The following AKR1C8 variants were observed in gnomAD, a reference collection of about 807,000 sequenced individuals.
AKR1C8 encodes the protein aldo-keto reductase family 1 member C-like protein 1.
the AKR1C8 span, among the ~76,000 whole-genome samples, chr10:5,144,989 A>G: frequency 6.6e-6 from 1 of 151,580 alleles, no homozygotes; most frequent in Non-Finnish European, 1.5e-5. Context: ...CCCATTCAGT[A>G]TGATATTGGC....
At chr10:5,144,916 G>C in the AKR1C8 span, among the ~76,000 whole-genome samples, 7 of 151,956 alleles carry the variant, frequency 4.6e-5, no homozygotes, top group Non-Finnish European at 8.8e-5. Flanking sequence ...TGTTGAATAG[G>C]AGTGGTGAGA....
chr10:5,152,550 G>C, the AKR1C8 span, among the ~76,000 whole-genome samples: 2 of 152,138 alleles, frequency 1.3e-5, no homozygotes, highest in Non-Finnish European at 2.9e-5. Flanking sequence ...AAGGACTCTA[G>C]AAAACCTCAT....
chr10:5,162,983 G>C, the AKR1C8 span: 1 of 534,420 alleles, frequency 1.9e-6, no homozygotes. Context: ...TACGTCAATA[G>C]CCACTTTGGT....
At chr10:5,176,559 T>G in the AKR1C8 span, among the ~76,000 whole-genome samples, 4 of 150,886 alleles carry the variant, frequency 2.7e-5, no homozygotes, top group African/African-American at 4.8e-5. Context: ...ATCTATAAAT[T>G]ACCTTGGGCA....
At chr10:5,146,656 C>G in the AKR1C8 span, among the ~76,000 whole-genome samples, 1,022 of 152,208 alleles carry the variant, frequency 6.7e-3, 6 homozygotes, top group Middle Eastern at 0.027. Context: ...TTATGGAAAA[C>G]TATTCAAAAT....
the AKR1C8 span, chr10:5,132,602 C>A: frequency 2.6e-6 from 4 of 1,558,684 alleles, no homozygotes; most frequent in Admixed American, 1.8e-5. Flanking sequence ...GGCACAGTAC[C>A]TTTGAAGTGT....
At chr10:5,120,315 C>T in the AKR1C8 span, among the ~76,000 whole-genome samples, 2 of 152,078 alleles carry the variant, frequency 1.3e-5, no homozygotes, top group Non-Finnish European at 2.9e-5. Context: ...CTGTCAGCCC[C>T]CTGATTACCA....
the AKR1C8 span, among the ~76,000 whole-genome samples, chr10:5,175,072 CTCGT>C: frequency 6.6e-6 from 1 of 151,582 alleles, no homozygotes; most frequent in Non-Finnish European, 1.5e-5. Context: ...CACCCATTAA[CTCGT>C]CATTTAGCAT....
At chr10:5,177,806 C>T in the AKR1C8 span, among the ~76,000 whole-genome samples, 1 of 152,154 alleles carries the variant, frequency 6.6e-6, no homozygotes, top group Middle Eastern at 3.2e-3. Flanking sequence ...GTTTGTATTT[C>T]TGTGGGATCG....
At chr10:5,156,929 C>T in the AKR1C8 span, among the ~76,000 whole-genome samples, 1 of 152,140 alleles carries the variant, frequency 6.6e-6, no homozygotes, top group Admixed American at 6.5e-5. Context: ...TTGTGGGATT[C>T]AAAACAAAAT....
chr10:5,129,139 A>C, the AKR1C8 span, among the ~76,000 whole-genome samples: 3 of 152,136 alleles, frequency 2.0e-5, no homozygotes, highest in Non-Finnish European at 2.9e-5. Flanking sequence ...CCTCAAAACT[A>C]TACAAATACA....
chr10:5,154,195 A>C, the AKR1C8 span: 502 of 470,350 alleles, frequency 1.1e-3, 4 homozygotes, highest in African/African-American at 9.0e-3. Flanking sequence ...GAAAGAGAAA[A>C]AATATTAATT....
chr10:5,158,530 C>G, the AKR1C8 span: 1 of 407,978 alleles, frequency 2.5e-6, no homozygotes, highest in Non-Finnish European at 5.0e-6. Flanking sequence ...TTTAAAACTT[C>G]GCTTTAATAG....
chr10:5,156,124 GATTT>G, the AKR1C8 span, among the ~76,000 whole-genome samples: 1 of 152,152 alleles, frequency 6.6e-6, no homozygotes. Context: ...CTTGGTCAGG[GATTT>G]GTTTCCTCAC....
At chr10:5,166,798 T>A in the AKR1C8 span, among the ~76,000 whole-genome samples, 1 of 152,094 alleles carries the variant, frequency 6.6e-6, no homozygotes, top group Admixed American at 6.5e-5. Flanking sequence ...GGGATCTAAT[T>A]AAACTCAAGA....
At chr10:5,176,509 G>A in the AKR1C8 span, among the ~76,000 whole-genome samples, 1 of 150,280 alleles carries the variant, frequency 6.7e-6, no homozygotes, top group African/African-American at 2.4e-5. Flanking sequence ...TTCCAATTCT[G>A]TGAAGAAAGT....
At chr10:5,127,086 C>A in the AKR1C8 span, among the ~76,000 whole-genome samples, 1 of 152,078 alleles carries the variant, frequency 6.6e-6, no homozygotes, top group African/African-American at 2.4e-5. Flanking sequence ...CCAAAAAGAT[C>A]ACACTAGCTC....
chr10:5,130,305 G>T, the AKR1C8 span, among the ~76,000 whole-genome samples: 2 of 151,880 alleles, frequency 1.3e-5, no homozygotes, highest in Non-Finnish European at 2.9e-5. Flanking sequence ...CAAACCCAAA[G>T]CCAACATTAT....
the AKR1C8 span, among the ~76,000 whole-genome samples, chr10:5,129,821 C>G: frequency 1.5e-3 from 229 of 151,994 alleles, 1 homozygote; most frequent in African/African-American, 4.7e-3. Flanking sequence ...GGATTCACAG[C>G]AGAATTCTAC....
Sources: gnomAD v4.1 joint callset for allele counts (sites outside exome capture counted in the v4.1 genomes callset) on GRCh38, gnomAD v4.1.1 for gene constraint, MANE v1.5 for transcripts, NCBI Gene and HGNC (gene_info 2026-07-23, HGNC 2026-07-21) for gene names.